Variants in TAF7L observed in about 807,000 individuals in gnomAD.
TAF7L encodes the protein TATA-box binding protein associated factor 7 like, also known as transcription initiation factor TFIID subunit 7-like.
TAF7L carries 6 observed loss-of-function variants against 30.2 expected under a neutral mutation model. That is an observed-to-expected ratio of 0.20 (90% CI 0.11 to 0.39). The LOEUF is 0.39. Ranked by LOEUF, TAF7L falls within the 10% of genes least tolerant of loss-of-function variation. The pLI is 1.00. For missense variants in TAF7L, 284 were observed against 277.1 expected, an observed-to-expected ratio of 1.03 and a Z score of -0.18; for synonymous variants, 93 against 94.5, an observed-to-expected ratio of 0.98 and a Z score of 0.09.
chrX:101,280,033 G>C (rs868821650), intron 6 of TAF7L, among the ~76,000 whole-genome samples: 3 of 95,001 alleles, frequency 3.2e-5, no homozygotes, highest in South Asian at 9.1e-4. Context: ...TGGGCATCAG[G>C]CTTAAAAAGA....
Position 101,276,295 on chromosome X carries a change from T to C in TAF7L, c.913+12A>G. The stretch of plus-strand genomic sequence containing the variant: ...CCACCCTGGTCCCATCCCTTTGTTT[T>C]TTCTGACTTACCTATTGAACTGGTA... On this transcript the variant is annotated intron_variant, in intron 10 of 12. Coordinates refer to ENST00000356784, the MANE Select transcript of TAF7L (RefSeq NM_001168474.2). 5.8e-6 allele frequency: 7 copies of C among 1,211,377 alleles called. No individual in the cohort carries two copies. The highest frequency in any genetic ancestry group is 7.8e-6 in the Non-Finnish European group (7 of 895,306).
intron 1 of TAF7L, among the ~76,000 whole-genome samples, chrX:101,288,735 G>A (rs1924699239): frequency 9.1e-6 from 1 of 110,063 alleles, no homozygotes; most frequent in Non-Finnish European, 1.9e-5. Flanking sequence ...TACCTTTGGT[G>A]AAGTGAATAC....
intron 9 of TAF7L, among the ~76,000 whole-genome samples, chrX:101,277,001 A>G (rs1184756343): frequency 9.4e-6 from 1 of 106,331 alleles, no homozygotes; most frequent in Non-Finnish European, 1.9e-5. Flanking sequence ...AAAAAAGAAA[A>G]ATTAGCTTGG....
intron 1 of TAF7L, 28 bp downstream of exon 1, chrX:101,291,196 C>T (rs959460510): frequency 2.2e-5 from 16 of 713,109 alleles, no homozygotes; most frequent in Middle Eastern, 8.0e-4. Flanking sequence ...GACCCGGTCC[C>T]GGCCGCCCGG....
At chrX:101,276,970 CAAAAAAA>C (rs35125792) in intron 9 of TAF7L, among the ~76,000 whole-genome samples, 1 of 82,190 alleles carries the variant, frequency 1.2e-5, no homozygotes, top group Non-Finnish European at 2.4e-5. Flanking sequence ...TCTCTACTTA[CAAAAAAA>C]AAAAAAAGAA....
intron 6 of TAF7L, among the ~76,000 whole-genome samples, chrX:101,280,992 G>A (rs1470611308): frequency 1.1e-4 from 12 of 111,893 alleles, no homozygotes; most frequent in African/African-American, 2.9e-4. Context: ...AGTGGGCATG[G>A]TTATATAAAA....
chrX:101,290,742 T>C (rs1197048999), intron 1 of TAF7L, among the ~76,000 whole-genome samples: 1 of 112,257 alleles, frequency 8.9e-6, no homozygotes, highest in Admixed American at 9.4e-5. Context: ...AAAAGACTAG[T>C]TGTACGGTAT....
rs760665153 is a variant in TAF7L at position 101,276,447 on chromosome X, T to C, written c.773A>G (p.Asp258Gly). 1 of 1,206,884 alleles carries C rather than the reference T, an allele frequency of 8.3e-7. No individual in the cohort carries two copies. The highest frequency in any genetic ancestry group is 2.2e-5 in the Admixed American group (1 of 45,846). The change falls in exon 10 of 13, where the codon GAT (aspartate) becomes GGT (glycine). Residue 258 changes from aspartate (D) to glycine (G), a missense_variant. Physicochemically the swap from Asp to Gly is moderately conservative, Grantham distance 94. Coordinates refer to ENST00000356784, the MANE Select transcript of TAF7L (RefSeq NM_001168474.2). ...ATCTTCATCCTCATCCTCATCCTCA[T>C]CCTCATCTTCATCATCCTCATCCTC... is the stretch of plus-strand genomic sequence containing the variant. ...DDEDEDDEDEDEDEDEDEDED... is the reference protein window; with the variant it reads ...DDEDEDDEDEGEDEDEDEDED...
At chrX:101,289,450 A>G (rs887149473) in intron 1 of TAF7L, among the ~76,000 whole-genome samples, 13 of 111,530 alleles carry the variant, frequency 1.2e-4, no homozygotes, top group South Asian at 7.4e-4. Flanking sequence ...ATTATTTTTT[A>G]TTGTTTTCAT....
At chrX:101,292,243 AAAAAAAAATAAAT>A (rs1178930446), upstream of TAF7L, among the ~76,000 whole-genome samples, 2 of 36,681 alleles carry the variant, frequency 5.5e-5, no homozygotes, top group Non-Finnish European at 7.4e-5. Flanking sequence ...CGTCTCAAAA[AAAAAAAAATAAAT>A]AAAAAAAATA....
intron 5 of TAF7L, among the ~76,000 whole-genome samples, chrX:101,282,103 C>T (rs113929102): frequency 0.05 from 5,525 of 110,219 alleles, 399 homozygotes; most frequent in African/African-American, 0.17. Flanking sequence ...CCAAGCTGGT[C>T]TCGAACTCCT....
At chrX:101,288,433 G>C (rs1432094454) in intron 1 of TAF7L, among the ~76,000 whole-genome samples, 1 of 106,151 alleles carries the variant, frequency 9.4e-6, no homozygotes. Context: ...CTGAGCCACC[G>C]CGCCCAGCAT....
In TAF7L at chrX:101,279,051, C is replaced by A; in HGVS notation, c.463-16G>T. 8.5e-7 allele frequency: 1 copy of A among 1,178,394 alleles called. No individual in the cohort carries two copies. Among genetic ancestry groups the A allele is most frequent in the Non-Finnish European group, 1.2e-6 (1 of 867,041 alleles). Reference sequence around the variant, plus strand: ...CATCAGGGACCTATGAAATAAAACACAATAAACAAGTTATATTATGATACC... The same window carrying A: ...CATCAGGGACCTATGAAATAAAACAAAATAAACAAGTTATATTATGATACC... On this transcript the variant is annotated splice_polypyrimidine_tract_variant and intron_variant, in intron 6 of 12. Coordinates refer to ENST00000356784, the MANE Select transcript of TAF7L (RefSeq NM_001168474.2).
chrX:101,283,067 C>CA (rs1924472766), intron 4 of TAF7L, among the ~76,000 whole-genome samples: 1 of 111,916 alleles, frequency 8.9e-6, no homozygotes, highest in Non-Finnish European at 1.9e-5. Context: ...TGGCCTATCT[C>CA]AGCATTTTGA....
intron 1 of TAF7L, among the ~76,000 whole-genome samples, chrX:101,289,056 C>G (rs1205834289): frequency 1.1e-4 from 12 of 111,796 alleles, no homozygotes; most frequent in African/African-American, 3.9e-4. Flanking sequence ...CTCAATGCCC[C>G]TCCCGCTACT....
chrX:101,280,704 G>A (rs1194314441), intron 6 of TAF7L, among the ~76,000 whole-genome samples: 1 of 111,657 alleles, frequency 9.0e-6, no homozygotes, highest in African/African-American at 3.3e-5. Flanking sequence ...GTCAAAACCT[G>A]TAAACAACCC....
At chrX:101,276,237 T>C in intron 10 of TAF7L, 70 bp downstream of exon 10, 9 of 1,199,306 alleles carry the variant, frequency 7.5e-6, no homozygotes, top group Non-Finnish European at 1.0e-5. Flanking sequence ...TTGAGTCTAA[T>C]GTATGCTTAG....
chrX:101,279,576 G>T (rs1389222710), intron 6 of TAF7L, among the ~76,000 whole-genome samples: 1 of 111,427 alleles, frequency 9.0e-6, no homozygotes, highest in Non-Finnish European at 1.9e-5. Flanking sequence ...AGCAGAGATC[G>T]TGCCATTGCA....
intron 12 of TAF7L, among the ~76,000 whole-genome samples, chrX:101,272,112 G>A (rs891774439): frequency 9.0e-6 from 1 of 111,240 alleles, no homozygotes; most frequent in Admixed American, 9.6e-5. Flanking sequence ...ACAGTATAAG[G>A]TTAGAGTCAG....
Sources: gnomAD v4.1 joint callset for allele counts (sites outside exome capture counted in the v4.1 genomes callset) on GRCh38, gnomAD v4.1.1 for gene constraint, MANE v1.5 for transcripts, NCBI Gene and HGNC (gene_info 2026-07-23, HGNC 2026-07-21) for gene names.